Variants in TNC observed in about 807,000 individuals in gnomAD.
The protein encoded by TNC is tenascin C.
In TNC, 109 loss-of-function variants were observed where a neutral mutation model predicts 202.4. That is an observed-to-expected ratio of 0.54 (90% CI 0.46 to 0.63). The LOEUF (loss-of-function observed/expected upper bound fraction) is 0.63. Among genes scored for constraint, TNC ranks in the 30% least tolerant of loss-of-function variants. The pLI, the probability that TNC is intolerant of heterozygous loss-of-function variation, is 0.00. For missense variants in TNC, 2,756 were observed against 2,833.3 expected (o/e 0.97, Z 0.62); for synonymous variants, 1,007 against 1,089.7 (o/e 0.92, Z 1.50).
At chr9:115,058,367 A>G (rs759212284) in intron 14 of TNC, among the ~76,000 whole-genome samples, 12 of 152,252 alleles carry the variant, frequency 7.9e-5, no homozygotes, top group African/African-American at 1.2e-4. Flanking sequence ...TCCTGCCCAT[A>G]GGCCAATTCA....
intron 1 of TNC, among the ~76,000 whole-genome samples, chr9:115,094,039 C>T (rs1250019): frequency 0.58 from 87,558 of 151,968 alleles, 25,639 homozygotes; most frequent in Middle Eastern, 0.66. Context: ...ACTAGCCCTG[C>T]AACTTTGACA....
At chr9:115,095,789 A>C (rs1835747995) in intron 1 of TNC, among the ~76,000 whole-genome samples, 1 of 148,794 alleles carries the variant, frequency 6.7e-6, no homozygotes, top group Non-Finnish European at 1.5e-5. Flanking sequence ...ACATAATATT[A>C]CATATTATAA....
intron 15 of TNC, among the ~76,000 whole-genome samples, chr9:115,050,068 C>T (rs1173764508): frequency 1.3e-5 from 2 of 152,250 alleles, no homozygotes; most frequent in African/African-American, 4.8e-5. Context: ...CAATCTTCAT[C>T]TGAGAGACAA....
chr9:115,086,367 A>ACACATTTGC lies in TNC; in HGVS notation c.1355_1363dup (p.Gly452_Cys454dup). On this transcript the variant is annotated inframe_insertion, in exon 3 of 28. Transcript: ENST00000350763. ...ATAGCCCTTGAAGCCTTGCTCACAT[A>ACACATTTGC]CACATTTGCCCTCGACACAGCGGCC... 6.2e-7 allele frequency: 1 copy of ACACATTTGC among 1,614,068 alleles called. No homozygotes were observed. The highest frequency in any genetic ancestry group is 8.5e-7 in the Non-Finnish European group (1 of 1,179,980).
chr9:115,082,904 C>T, intron 4 of TNC, 97 bp from the exon 5 acceptor site: 1 of 791,996 alleles, frequency 1.3e-6, no homozygotes, highest in Non-Finnish European at 2.2e-6. Context: ...ATGTCTGCAA[C>T]AGTCAGGGGC....
intron 10 of TNC, among the ~76,000 whole-genome samples, chr9:115,068,013 TAAAG>T (rs1833084111): frequency 6.6e-6 from 1 of 152,048 alleles, no homozygotes; most frequent in Admixed American, 6.6e-5. Context: ...GTAGCTAAAT[TAAAG>T]AGAGAGGGGG....
At chr9:115,089,485 T>C (rs922420170) in intron 2 of TNC, among the ~76,000 whole-genome samples, 2 of 150,884 alleles carry the variant, frequency 1.3e-5, no homozygotes, top group Non-Finnish European at 2.9e-5. Flanking sequence ...CCTATCTCTC[T>C]CTCTCTCTCT....
In TNC at chr9:115,086,388, C is replaced by T. The variant is rs756243090; in HGVS notation, c.1343G>A (p.Arg448His). 24 of 1,613,952 alleles carry T rather than the reference C, an allele frequency of 1.5e-5. No homozygotes were observed. Among genetic ancestry groups the T allele is most frequent in the Middle Eastern group, 1.6e-4 (1 of 6,084 alleles). The change falls in exon 3 of 28, where the codon CGC (arginine) becomes CAC (histidine). Residue 448 changes from arginine to histidine, a missense_variant. Physicochemically the swap from Arg to His is conservative, Grantham distance 29. This residue lies in a region of TNC where 2,559 missense variants were observed against 2,546.0 expected (regional missense o/e 1.01). Coordinates refer to ENST00000350763, the MANE Select transcript of TNC (RefSeq NM_002160.4). Reference sequence around the variant, plus strand: ...ACATACACATTTGCCCTCGACACAGCGGCCCCGACTGTGACAGTCATTGGG... The same window carrying T: ...ACATACACATTTGCCCTCGACACAGTGGCCCCGACTGTGACAGTCATTGGG... ...RCPNDCHSRG[R>H]CVEGKCVCEQ...
chr9:115,030,479 C>A, intron 23 of TNC, 74 bp from the exon 24 acceptor site: 1 of 1,468,542 alleles, frequency 6.8e-7, no homozygotes. Context: ...TAGCTTAACT[C>A]TATGGACTAG....
At chr9:115,027,383 A>T (rs1213918449) in intron 25 of TNC, among the ~76,000 whole-genome samples, 1 of 152,000 alleles carries the variant, frequency 6.6e-6, no homozygotes, top group Non-Finnish European at 1.5e-5. Context: ...TGAGGTCAGG[A>T]GTTCGAGACC....
At chr9:115,038,086 A>T (rs909018181) in intron 20 of TNC, among the ~76,000 whole-genome samples, 175 bp downstream of exon 20, 5 of 152,126 alleles carry the variant, frequency 3.3e-5, no homozygotes, top group Admixed American at 6.5e-5. Flanking sequence ...TAAATGACCT[A>T]CCAGACTCCC....
intron 10 of TNC, among the ~76,000 whole-genome samples, chr9:115,070,665 T>G (rs1833399196): frequency 6.6e-6 from 1 of 152,254 alleles, no homozygotes; most frequent in Non-Finnish European, 1.5e-5. Flanking sequence ...TTCTTCATTT[T>G]TCTCTGTAAG....
intron 18 of TNC, among the ~76,000 whole-genome samples, chr9:115,041,866 C>T (rs1263766363): frequency 3.3e-5 from 5 of 152,208 alleles, no homozygotes; most frequent in Non-Finnish European, 5.9e-5. Flanking sequence ...GGTAAAACTT[C>T]ACATATATCC....
At chr9:115,077,506 A>G (rs994822523) in intron 7 of TNC, among the ~76,000 whole-genome samples, 1 of 152,212 alleles carries the variant, frequency 6.6e-6, no homozygotes, top group Non-Finnish European at 1.5e-5. Context: ...TCATATTTCT[A>G]ATAACTCACA....
chr9:115,044,412 CA>C (rs1831018224), intron 17 of TNC, among the ~76,000 whole-genome samples: 1 of 133,538 alleles, frequency 7.5e-6, no homozygotes, highest in East Asian at 2.1e-4. Flanking sequence ...CACACACACA[CA>C]CACAAGCACG....
chr9:115,090,421 A>C, intron 2 of TNC, 141 bp downstream of exon 2: 1 of 648,960 alleles, frequency 1.5e-6, no homozygotes, highest in Admixed American at 2.9e-5. Context: ...ACTTATTTGA[A>C]CATAAAATCT....
intron 9 of TNC, among the ~76,000 whole-genome samples, 200 bp from the exon 10 acceptor site, chr9:115,074,066 C>T (rs988655047): frequency 2.0e-5 from 3 of 152,106 alleles, no homozygotes; most frequent in East Asian, 1.9e-4. Context: ...ATGACCCCAT[C>T]GGAGTCTGAG....
chr9:115,083,033 A>C (rs981863863), intron 4 of TNC, among the ~76,000 whole-genome samples: 30 of 152,194 alleles, frequency 2.0e-4, no homozygotes, highest in Admixed American at 3.3e-4. Context: ...CATATGTTTA[A>C]ATCTAAAATG....
chr9:115,025,573 G>A (rs964958164), intron 26 of TNC, among the ~76,000 whole-genome samples: 2 of 152,226 alleles, frequency 1.3e-5, no homozygotes, highest in South Asian at 2.1e-4. Flanking sequence ...CTTTGTCACT[G>A]AGAACATTGT....
Sources: allele counts gnomAD v4.1 joint callset (sites outside exome capture counted in the v4.1 genomes callset), GRCh38; gene constraint gnomAD v4.1.1; regional missense constraint gnomAD v4.1.1; transcripts MANE v1.5; gene names NCBI Gene and HGNC (gene_info 2026-07-23, HGNC 2026-07-21).